Variants in GAREM1 observed in about 807,000 individuals in gnomAD.
The protein encoded by GAREM1 is GRB2-associated and regulator of MAPK protein 1.
Under a neutral mutation model 71.3 loss-of-function variants are expected in GAREM1, and 26 were observed. That is an observed-to-expected ratio of 0.36 (90% CI 0.27 to 0.51). The LOEUF (loss-of-function observed/expected upper bound fraction) is 0.51, where lower values mean the gene tolerates loss of function less well. Ranked by LOEUF, GAREM1 falls within the 20% of genes least tolerant of loss-of-function variation. GAREM1 has a pLI of 0.95. For missense variants in GAREM1, 1,026 were observed against 1,103.1 expected (o/e 0.93, Z 0.99); for synonymous variants, 440 against 433.2 (o/e 1.02, Z -0.20).
chr18:32,428,337 CCA>C (rs914828375), intron 1 of GAREM1, among the ~76,000 whole-genome samples: 6 of 152,090 alleles, frequency 3.9e-5, no homozygotes, highest in African/African-American at 1.4e-4. Flanking sequence ...TGTCCTTGCC[CCA>C]GTCTCACATT....
At chr18:32,391,437 T>C (rs547065223) in intron 2 of GAREM1, among the ~76,000 whole-genome samples, 3 of 152,298 alleles carry the variant, frequency 2.0e-5, no homozygotes, top group Non-Finnish European at 2.9e-5. Context: ...AAGACTGATT[T>C]GACAGAGCTT....
At chr18:32,354,714 G>T (rs1269281081) in intron 2 of GAREM1, among the ~76,000 whole-genome samples, 1 of 152,200 alleles carries the variant, frequency 6.6e-6, no homozygotes. Flanking sequence ...TGTGGCTGAG[G>T]TCATGAAGCA....
At chr18:32,410,741 T>C (rs2048408030) in intron 1 of GAREM1, among the ~76,000 whole-genome samples, 1 of 152,168 alleles carries the variant, frequency 6.6e-6, no homozygotes, top group Admixed American at 6.5e-5. Flanking sequence ...TGAGAACAAA[T>C]ATAAAGGACT....
chr18:32,288,635 T>C (rs1167876165), intron 3 of GAREM1, among the ~76,000 whole-genome samples: 1 of 151,926 alleles, frequency 6.6e-6, no homozygotes, highest in African/African-American at 2.4e-5. Context: ...TATTTCTCAA[T>C]TTTTTAAAAA....
intron 1 of GAREM1, among the ~76,000 whole-genome samples, chr18:32,467,446 C>A (rs2049010010): frequency 6.6e-6 from 1 of 152,066 alleles, no homozygotes; most frequent in Admixed American, 6.5e-5. Flanking sequence ...GCTGGAAATT[C>A]CACTCCACCA....
At chr18:32,298,733 C>T (rs997371561) in intron 3 of GAREM1, among the ~76,000 whole-genome samples, 2 of 151,866 alleles carry the variant, frequency 1.3e-5, no homozygotes, top group African/African-American at 4.8e-5. Flanking sequence ...AACAATTGTT[C>T]AAACATGTAA....
chr18:32,456,227 T>C (rs577236073), intron 1 of GAREM1, among the ~76,000 whole-genome samples: 42 of 152,162 alleles, frequency 2.8e-4, no homozygotes, highest in Non-Finnish European at 3.7e-4. Flanking sequence ...TATATACAGA[T>C]AGCATCTAGA....
chr18:32,293,318 T>C (rs1598936804), intron 3 of GAREM1, among the ~76,000 whole-genome samples: 2 of 152,230 alleles, frequency 1.3e-5, no homozygotes, highest in East Asian at 3.9e-4. Context: ...GAACATTTTG[T>C]CATGCCAGAA....
chr18:32,395,749 C>T (rs972491715), intron 1 of GAREM1, among the ~76,000 whole-genome samples: 2 of 152,084 alleles, frequency 1.3e-5, no homozygotes, highest in African/African-American at 4.8e-5. Flanking sequence ...AGGGCATAGC[C>T]GAACAAAAGG....
intron 3 of GAREM1, among the ~76,000 whole-genome samples, chr18:32,307,339 GA>G (rs2047265806): frequency 6.6e-6 from 1 of 152,086 alleles, no homozygotes; most frequent in African/African-American, 2.4e-5. Flanking sequence ...GAGAGAGGGT[GA>G]AATCTTCTAA....
At chr18:32,416,655 A>C (rs2048469405) in intron 1 of GAREM1, among the ~76,000 whole-genome samples, 3 of 152,168 alleles carry the variant, frequency 2.0e-5, no homozygotes, top group Non-Finnish European at 4.4e-5. Flanking sequence ...AGTGCTGGGA[A>C]AACTAGACAT....
Position 32,268,135 on chromosome 18 carries a change from G to A in GAREM1, c.2367C>T (p.Leu789=). 6.2e-7 allele frequency: 1 copy of A among 1,614,152 alleles called. No individual in the cohort carries two copies. ...CGCCACAGGATCTGGGGGCCAGCTG[G>A]AGATGGAGCGGAGATGAGAAAGGGT... ...ASYPFSSPLH[L]QLAPRSCGDG... Residue 789 remains leucine (L), a synonymous_variant, in exon 6 of 6, where the codon CTC becomes CTT. Transcript: ENST00000269209.
At position 32,395,843 on chromosome 18, in the gene GAREM1, A is replaced by G. The variant is rs573306940; in HGVS notation, c.122-2808T>C. Among the ~76,000 whole-genome samples the G allele has an allele frequency of 5.9e-5, 9 of 152,302 alleles. No homozygotes were observed. The East Asian group carries it at 1.4e-3, about 23-fold the overall frequency. ...GTTCTCCCAGCACGGAGTCTGAGAT[A>G]TGAGAATGGACAGACTGCCTCCTCA... On this transcript the variant is annotated intron_variant, in intron 1 of 5. Transcript: ENST00000269209.
At chr18:32,441,316 A>G (rs1292735543) in intron 1 of GAREM1, among the ~76,000 whole-genome samples, 2 of 151,348 alleles carry the variant, frequency 1.3e-5, no homozygotes, top group Non-Finnish European at 2.9e-5. Flanking sequence ...AAGTCCAACA[A>G]CAACGTCTAG....
At chr18:32,436,207 A>G (rs967470721) in intron 1 of GAREM1, among the ~76,000 whole-genome samples, 1 of 152,240 alleles carries the variant, frequency 6.6e-6, no homozygotes, top group Non-Finnish European at 1.5e-5. Context: ...TCTCCTCACA[A>G]GAATTTCAGA....
chr18:32,448,327 C>G (rs1046248494), intron 1 of GAREM1, among the ~76,000 whole-genome samples: 1 of 152,148 alleles, frequency 6.6e-6, no homozygotes, highest in African/African-American at 2.4e-5. Flanking sequence ...AAATTATCAC[C>G]TGGTACAAAT....
chr18:32,453,870 T>C (rs1568017519), intron 1 of GAREM1, among the ~76,000 whole-genome samples: 1 of 152,040 alleles, frequency 6.6e-6, no homozygotes, highest in Non-Finnish European at 1.5e-5. Context: ...ATTGAACACC[T>C]ACATGTTACC....
At chr18:32,319,384 G>C (rs2047409168) in intron 2 of GAREM1, among the ~76,000 whole-genome samples, 1 of 152,204 alleles carries the variant, frequency 6.6e-6, no homozygotes, top group East Asian at 1.9e-4. Context: ...ATGTAAGCTA[G>C]AGTTTCTGTG....
intron 4 of GAREM1, among the ~76,000 whole-genome samples, chr18:32,274,779 C>G (rs2041515493): frequency 6.6e-6 from 1 of 152,150 alleles, no homozygotes. Flanking sequence ...ATTACACACT[C>G]TGTGTGCCAC....
Sources: gnomAD v4.1 joint callset for allele counts (sites outside exome capture counted in the v4.1 genomes callset) on GRCh38, gnomAD v4.1.1 for gene constraint, MANE v1.5 for transcripts, NCBI Gene and HGNC (gene_info 2026-07-23, HGNC 2026-07-21) for gene names.